The following INPP5A variants were observed in gnomAD, a reference collection of about 807,000 sequenced individuals.
INPP5A encodes the protein 43 kDa inositol polyphosphate 5-phophatase.
Under a neutral mutation model 65.2 loss-of-function variants are expected in INPP5A, and 14 were observed. The ratio of observed to expected loss-of-function variants is 0.21; its 90% CI spans 0.14 to 0.34. The LOEUF (loss-of-function observed/expected upper bound fraction) is 0.34. INPP5A is among the 10% of genes least tolerant of loss of function. The probability of loss-of-function intolerance (pLI) is 1.00; values close to 1 mark genes in which losing one functional copy is unlikely to be tolerated. For synonymous variants in INPP5A, 207 were observed against 208.3 expected (o/e 0.99, Z 0.05); for missense variants, 431 against 545.6 (o/e 0.79, Z 2.09).
intron 1 of INPP5A, among the ~76,000 whole-genome samples, chr10:132,591,590 T>G (rs1278752884): frequency 3.3e-5 from 5 of 152,270 alleles, no homozygotes; most frequent in Non-Finnish European, 7.3e-5. Context: ...CTTGTTGCAT[T>G]GGAAGCGGGC....
chr10:132,634,591 G>T (rs1452492815), intron 2 of INPP5A, among the ~76,000 whole-genome samples: 1 of 152,260 alleles, frequency 6.6e-6, no homozygotes. Context: ...TGCCAAGGGA[G>T]GGCGCTAAAG....
intron 1 of INPP5A, among the ~76,000 whole-genome samples, chr10:132,578,773 TG>T (rs140263998): frequency 0.017 from 2,518 of 151,618 alleles, 90 homozygotes; most frequent in African/African-American, 0.057. Flanking sequence ...GGGCTGGGTC[TG>T]GGCTCCAGGA....
chr10:132,723,321 T>G (rs1845920128), intron 8 of INPP5A, among the ~76,000 whole-genome samples: 2 of 152,218 alleles, frequency 1.3e-5, no homozygotes, highest in African/African-American at 4.8e-5. Context: ...AGGCCGCATT[T>G]CCTCTCTCTC....
intron 4 of INPP5A, among the ~76,000 whole-genome samples, chr10:132,672,359 C>T (rs960072480): frequency 1.3e-5 from 2 of 152,138 alleles, no homozygotes; most frequent in Non-Finnish European, 2.9e-5. Context: ...GCTGCGTCCC[C>T]ACCCAAATCT....
chr10:132,687,438 C>A (rs986847614), intron 4 of INPP5A, among the ~76,000 whole-genome samples: 3 of 152,240 alleles, frequency 2.0e-5, no homozygotes, highest in Non-Finnish European at 4.4e-5. Flanking sequence ...GGCCAGGGAC[C>A]ACAGAGGGCC....
chr10:132,683,420 G>C (rs1040712609), intron 4 of INPP5A, among the ~76,000 whole-genome samples: 2 of 152,202 alleles, frequency 1.3e-5, no homozygotes, highest in South Asian at 4.1e-4. Flanking sequence ...TGGAGGGCAC[G>C]TGTCTGCGGT....
intron 12 of INPP5A, among the ~76,000 whole-genome samples, chr10:132,774,375 AT>A (rs1396994960): frequency 6.6e-6 from 1 of 152,106 alleles, no homozygotes; most frequent in Non-Finnish European, 1.5e-5. Flanking sequence ...ATTGGTTAAT[AT>A]TTTAACCAGG....
chr10:132,672,238 A>G (rs2072900625), intron 4 of INPP5A, among the ~76,000 whole-genome samples: 1 of 152,190 alleles, frequency 6.6e-6, no homozygotes, highest in South Asian at 2.1e-4. Context: ...TTCACTTCAT[A>G]TCAGCATTTA....
In INPP5A at chr10:132,545,186, G is replaced by A. The variant is rs924199184; in HGVS notation, c.75+7015G>A. Among the ~76,000 whole-genome samples the A allele has an allele frequency of 2.6e-5, 4 of 152,188 alleles. No individual in the cohort carries two copies. Among genetic ancestry groups the A allele is most frequent in the Non-Finnish European group, 5.9e-5 (4 of 68,020 alleles). The stretch of plus-strand genomic sequence containing the variant: ...GGCTCTGGGATGGCTGTGCTCGGTG[G>A]GGGTCTGATTTTGGGGGAAGAGGCT... On this transcript the variant is annotated intron_variant, in intron 1 of 15. Transcript: ENST00000368594. This position sits in a 1 kb window ranked among gnomAD's most constrained non-coding sequence, Gnocchi z 4.6.
intron 4 of INPP5A, among the ~76,000 whole-genome samples, chr10:132,654,989 G>A (rs573950528): frequency 3.2e-4 from 49 of 152,374 alleles, no homozygotes; most frequent in Non-Finnish European, 4.9e-4. Flanking sequence ...TAGGCTGGGC[G>A]CGGTGGCTCA....
chr10:132,606,438 G>T (rs1439952551), intron 1 of INPP5A, among the ~76,000 whole-genome samples: 1 of 152,350 alleles, frequency 6.6e-6, no homozygotes, highest in Admixed American at 6.5e-5. Flanking sequence ...GGGCATGGGG[G>T]TGCTCAGAGC....
chr10:132,738,427 A>G (rs778527888), intron 9 of INPP5A, among the ~76,000 whole-genome samples: 63 of 152,000 alleles, frequency 4.1e-4, no homozygotes, highest in Non-Finnish European at 8.7e-4. Flanking sequence ...CCCCCTCCCC[A>G]CGTCCAGCCG....
At chr10:132,701,494 G>A (rs549703377) in intron 6 of INPP5A, among the ~76,000 whole-genome samples, 8 of 152,366 alleles carry the variant, frequency 5.3e-5, no homozygotes, top group African/African-American at 7.2e-5. Flanking sequence ...TCCATTTGCC[G>A]TGGCTGGAGC....
At chr10:132,723,778 C>T (rs1358352721) in intron 8 of INPP5A, among the ~76,000 whole-genome samples, 4 of 152,122 alleles carry the variant, frequency 2.6e-5, no homozygotes, top group Non-Finnish European at 5.9e-5. Context: ...CGGGCGTTGC[C>T]GCCCTCCCTC....
intron 4 of INPP5A, among the ~76,000 whole-genome samples, chr10:132,658,946 C>T (rs920151757): frequency 2.0e-5 from 3 of 152,122 alleles, no homozygotes; most frequent in African/African-American, 7.2e-5. Flanking sequence ...CCAGCATCTG[C>T]GCTTCCTCGT....
At chr10:132,682,928 G>A (rs1241340249) in intron 4 of INPP5A, among the ~76,000 whole-genome samples, 1 of 152,028 alleles carries the variant, frequency 6.6e-6, no homozygotes, top group African/African-American at 2.4e-5. Flanking sequence ...TGGCGGGCAC[G>A]TGTCTGCCAT....
intron 4 of INPP5A, among the ~76,000 whole-genome samples, chr10:132,686,897 T>A (rs1297457358): frequency 3.3e-5 from 5 of 152,262 alleles, no homozygotes; most frequent in African/African-American, 1.2e-4. Context: ...AACTCTGTGC[T>A]GAAACTCTAT....
At chr10:132,699,364 G>C (rs1203937253) in intron 6 of INPP5A, among the ~76,000 whole-genome samples, 11 of 62,092 alleles carry the variant, frequency 1.8e-4, no homozygotes, top group South Asian at 8.3e-4. Context: ...TGCTGGGGTG[G>C]GGGGGGGCTG....
intron 1 of INPP5A, among the ~76,000 whole-genome samples, chr10:132,596,899 TC>T (rs2071700604): frequency 1.6e-5 from 2 of 127,100 alleles, no homozygotes; most frequent in Non-Finnish European, 3.2e-5. Flanking sequence ...GTTTGGAGGC[TC>T]CTGTGCATGT....
Sources: gnomAD v4.1 joint callset for allele counts (sites outside exome capture counted in the v4.1 genomes callset) on GRCh38, gnomAD v4.1.1 for gene constraint, Gnocchi (gnomAD v3.1) non-coding constraint, MANE v1.5 for transcripts, NCBI Gene and HGNC (gene_info 2026-07-23, HGNC 2026-07-21) for gene names.